Variants in SLC9A7 observed in about 807,000 individuals in gnomAD.
The protein encoded by SLC9A7 is sodium/hydrogen exchanger 7.
In SLC9A7, 19 loss-of-function variants were observed where a neutral mutation model predicts 52.6. That is an observed-to-expected ratio of 0.36 (90% confidence interval 0.25 to 0.53). SLC9A7 has a LOEUF of 0.53. Ranked by LOEUF, SLC9A7 falls within the 20% of genes least tolerant of loss-of-function variation. The probability of loss-of-function intolerance (pLI) is 0.91; values close to 1 mark genes in which losing one functional copy is unlikely to be tolerated. For missense variants in SLC9A7, 455 were observed against 597.9 expected (o/e 0.76, Z 2.49); for synonymous variants, 226 against 252.1 (o/e 0.90, Z 0.98).
intron 15 of SLC9A7, among the ~76,000 whole-genome samples, chrX:46,615,677 T>TATAA (rs1942936790): frequency 9.2e-6 from 1 of 109,160 alleles, no homozygotes; most frequent in African/African-American, 3.3e-5. Flanking sequence ...TATATATATA[T>TATAA]AACCAGTAAG....
chrX:46,745,129 A>C (rs1921645478), intron 1 of SLC9A7, among the ~76,000 whole-genome samples: 1 of 111,806 alleles, frequency 8.9e-6, no homozygotes, highest in Non-Finnish European at 1.9e-5. Flanking sequence ...GCAACTTTAA[A>C]ATGGCAGGAA....
rs919371606 is a variant in SLC9A7, at chrX:46,673,097, G to C, written c.604-470C>G. 2.7e-5 allele frequency among the ~76,000 whole-genome samples: 3 copies of C among 111,631 alleles called. No homozygotes were observed. The Admixed American group carries it at 2.9e-4, about 11-fold the overall frequency. Reference sequence around the variant, plus strand: ...GAGCTTTCTGCTTAATTTGATATCAGAAAACAGAGTCCTAAATATCTGCTC... The same window carrying C: ...GAGCTTTCTGCTTAATTTGATATCACAAAACAGAGTCCTAAATATCTGCTC... On this transcript the variant is annotated intron_variant, in intron 3 of 16. Coordinates refer to ENST00000616978, the MANE Select transcript of SLC9A7 (RefSeq NM_001257291.2).
intron 7 of SLC9A7, among the ~76,000 whole-genome samples, chrX:46,656,056 C>G (rs1332314937): frequency 3.2e-4 from 36 of 111,226 alleles, no homozygotes; most frequent in Non-Finnish European, 5.5e-4. Flanking sequence ...TCAAGTGGGT[C>G]CCTGACCCCT....
At chrX:46,723,275 G>A (rs1307556047) in intron 1 of SLC9A7, among the ~76,000 whole-genome samples, 4 of 92,961 alleles carry the variant, frequency 4.3e-5, no homozygotes, top group Non-Finnish European at 2.1e-5. Context: ...GCAGCCCGTG[G>A]TGTATCGGCA....
chrX:46,729,181 G>A (rs1944988504), intron 1 of SLC9A7, among the ~76,000 whole-genome samples: 1 of 112,111 alleles, frequency 8.9e-6, no homozygotes, highest in African/African-American at 3.2e-5. Flanking sequence ...TAGGTAAACA[G>A]CCAGTGAATA....
rs189582402 is a variant in SLC9A7, at chrX:46,695,774, G to A, written c.326-13239C>T. Among the ~76,000 whole-genome samples the A allele has an allele frequency of 1.3e-3, 147 of 110,119 alleles. 1 individual carries two copies. The South Asian group carries it at 0.034, about 26-fold the overall frequency. ...TTCCCCTCTGTATCCTTAGCACATG[G>A]AAGTGCCTGGCATACTAGGTACTCA... On this transcript the variant is annotated intron_variant, in intron 1 of 16. Transcript: ENST00000616978.
At chrX:46,668,380 T>C (rs1178738173) in intron 5 of SLC9A7, among the ~76,000 whole-genome samples, 1 of 111,025 alleles carries the variant, frequency 9.0e-6, no homozygotes, top group African/African-American at 3.3e-5. Flanking sequence ...GGCATGGTGG[T>C]GCATGCCTAT....
intron 1 of SLC9A7, among the ~76,000 whole-genome samples, chrX:46,696,187 A>G (rs1464229293): frequency 9.1e-6 from 1 of 109,937 alleles, no homozygotes; most frequent in Non-Finnish European, 1.9e-5. Context: ...GGTTTCTCCA[A>G]GTTGGCCAGG....
chrX:46,614,302 C>T (rs1027611303), intron 15 of SLC9A7, among the ~76,000 whole-genome samples: 1 of 112,066 alleles, frequency 8.9e-6, no homozygotes, highest in Non-Finnish European at 1.9e-5. Context: ...CATTAGCCTA[C>T]AGTTGGGCAA....
chrX:46,670,583 C>G (rs372608464), intron 4 of SLC9A7, among the ~76,000 whole-genome samples: 2 of 111,199 alleles, frequency 1.8e-5, no homozygotes, highest in Non-Finnish European at 3.8e-5. Flanking sequence ...TAACCATGGA[C>G]TTGACTCATT....
chrX:46,620,830 C>T, intron 15 of SLC9A7, 147 bp downstream of exon 15: 1 of 441,066 alleles, frequency 2.3e-6, no homozygotes, highest in South Asian at 3.8e-5. Flanking sequence ...TGGTTGAATG[C>T]TCAATGCACA....
At position 46,659,910 on chromosome X, in the gene SLC9A7, C is replaced by T. The variant is rs749387608; in HGVS notation, c.1041+2106G>A. Among the ~76,000 whole-genome samples the T allele has an allele frequency of 1.3e-3, 147 of 109,126 alleles. 1 individual carries two copies. The highest frequency in any genetic ancestry group is 4.6e-3 in the African/African-American group (136 of 29,654). The allele number at this position is 109,126 out of a possible 115,157, so 94.8% of individuals were successfully genotyped here. A position where few individuals can be genotyped will look rare whatever the true frequency, so the allele number is the denominator to read the frequency against. ...TACGGAACCAAAAAAGAGCCTGCAT[C>T]GCCAAGTCAATCCTAAGCCAAACAA... On this transcript the variant is annotated intron_variant, in intron 7 of 16. Coordinates refer to ENST00000616978, the MANE Select transcript of SLC9A7 (RefSeq NM_001257291.2).
intron 1 of SLC9A7, among the ~76,000 whole-genome samples, chrX:46,719,570 G>A (rs1944827615): frequency 8.9e-6 from 1 of 111,897 alleles, no homozygotes; most frequent in African/African-American, 3.2e-5. Flanking sequence ...AGTTGTTTGA[G>A]GAAAACCATA....
intron 13 of SLC9A7, among the ~76,000 whole-genome samples, chrX:46,633,388 G>A (rs767546448): frequency 8.7e-5 from 5 of 57,800 alleles, no homozygotes; most frequent in African/African-American, 1.8e-4. Context: ...AAAACAGATC[G>A]GGGCCGTGAG....
chrX:46,628,003 T>C (rs150402198), intron 14 of SLC9A7, among the ~76,000 whole-genome samples: 4 of 112,758 alleles, frequency 3.5e-5, no homozygotes, highest in Non-Finnish European at 7.5e-5. Context: ...CAGTTTTCAC[T>C]ACATACACAC....
At chrX:46,758,317 C>G (rs1225051293) in intron 1 of SLC9A7, among the ~76,000 whole-genome samples, 1 of 111,689 alleles carries the variant, frequency 9.0e-6, no homozygotes, top group Non-Finnish European at 1.9e-5. Context: ...GTGGCCTGTC[C>G]CCTGAGGTGA....
Position 46,621,040 on chromosome X carries a change from C to G in SLC9A7, c.1760G>C (p.Arg587Thr). The G allele has an allele frequency of 1.0e-5, 12 of 1,202,665 alleles. No individual in the cohort carries two copies. The highest frequency in any genetic ancestry group is 1.4e-5 in the Non-Finnish European group (12 of 888,668). ...GCTCTCCTGTTTTGTCCGGTTTCCT[C>G]TGGCAGAATCTGGGCCGTCCTAGGA... Reference protein sequence around the residue: ...VLQGDGPDSARGNRTKQESAW... With the variant: ...VLQGDGPDSATGNRTKQESAW... Residue 587 changes from arginine (R) to threonine (T), a missense_variant, in exon 15 of 17, where the codon AGA becomes ACA. Coordinates refer to ENST00000616978, the MANE Select transcript of SLC9A7 (RefSeq NM_001257291.2).
chrX:46,746,112 G>T (rs1380139273), intron 1 of SLC9A7, among the ~76,000 whole-genome samples: 1 of 110,494 alleles, frequency 9.1e-6, no homozygotes, highest in Non-Finnish European at 1.9e-5. Context: ...ATCTCTTGAG[G>T]TCAGGAGTTT....
intron 1 of SLC9A7, among the ~76,000 whole-genome samples, chrX:46,700,031 G>C (rs1298168291): frequency 9.1e-6 from 1 of 109,703 alleles, no homozygotes; most frequent in Non-Finnish European, 1.9e-5. Flanking sequence ...CTTGAACCCA[G>C]GAGTTTGAAG....
Sources: gnomAD v4.1 joint callset for allele counts (sites outside exome capture counted in the v4.1 genomes callset) on GRCh38, gnomAD v4.1.1 for gene constraint, MANE v1.5 for transcripts, NCBI Gene and HGNC (gene_info 2026-07-23, HGNC 2026-07-21) for gene names.